TMC1: variants seen among roughly 807,000 people sequenced by gnomAD.
TMC1 encodes the protein transmembrane channel like 1.
TMC1 carries 84 observed loss-of-function variants against 105.8 expected under a neutral mutation model. The observed-to-expected ratio is 0.79, with a 90% CI of 0.67 to 0.95. TMC1 has a LOEUF of 0.95. Ranked by LOEUF, TMC1 falls within the 40% of genes least tolerant of loss-of-function variation. TMC1 has a pLI of 0.00. For synonymous variants in TMC1, 315 were observed against 311.5 expected (o/e 1.01, Z -0.12); for missense variants, 817 against 914.1 (o/e 0.89, Z 1.37).
chr9:72,823,770 T>TA (rs1176740038), intron 20 of TMC1, among the ~76,000 whole-genome samples: 12 of 152,254 alleles, frequency 7.9e-5, no homozygotes, highest in African/African-American at 2.9e-4. Context: ...TCTAGGTTTT[T>TA]ATATACATCC....
chr9:72,528,755 A>AG (rs761910702), intron 1 of TMC1, among the ~76,000 whole-genome samples: 1 of 152,106 alleles, frequency 6.6e-6, no homozygotes, highest in Non-Finnish European at 1.5e-5. Flanking sequence ...CACTATTTTC[A>AG]GGGGGCCCAA....
At chr9:72,827,556 G>C (rs1301988620) in intron 21 of TMC1, among the ~76,000 whole-genome samples, 1 of 152,232 alleles carries the variant, frequency 6.6e-6, no homozygotes, top group Non-Finnish European at 1.5e-5. Context: ...AGTTCCTGTA[G>C]TCTGTCCCTT....
intron 8 of TMC1, among the ~76,000 whole-genome samples, chr9:72,725,367 A>ATG (rs1387391356): frequency 1.3e-5 from 1 of 79,220 alleles, no homozygotes; most frequent in African/African-American, 5.6e-5. Flanking sequence ...ATATATATAT[A>ATG]TGTATATACA....
At chr9:72,680,967 ATTC>A (rs1262026393) in intron 5 of TMC1, among the ~76,000 whole-genome samples, 12 of 152,212 alleles carry the variant, frequency 7.9e-5, no homozygotes, top group East Asian at 7.7e-4. Flanking sequence ...CCTGAAAACC[ATTC>A]TTCTTCTTGA....
chr9:72,522,833 A>T (rs1200971531), intron 1 of TMC1, among the ~76,000 whole-genome samples: 1 of 152,226 alleles, frequency 6.6e-6, no homozygotes, highest in Admixed American at 6.5e-5. Context: ...AAAGGAACTC[A>T]GCCTAGTGCA....
chr9:72,626,776 G>A (rs1825354981), intron 3 of TMC1, among the ~76,000 whole-genome samples: 1 of 152,194 alleles, frequency 6.6e-6, no homozygotes, highest in African/African-American at 2.4e-5. Context: ...CCAGAATGCA[G>A]TGGGGTAAGG....
chr9:72,593,057 T>C (rs1243768989), intron 2 of TMC1, among the ~76,000 whole-genome samples: 2 of 152,198 alleles, frequency 1.3e-5, no homozygotes, highest in East Asian at 1.9e-4. Flanking sequence ...TAAAATTCTT[T>C]AGAGTGAAGA....
intron 2 of TMC1, among the ~76,000 whole-genome samples, chr9:72,599,759 G>A (rs1824776652): frequency 6.6e-6 from 1 of 150,496 alleles, no homozygotes; most frequent in East Asian, 2.0e-4. Flanking sequence ...GCAGTGAGCC[G>A]AGATCATGCC....
At chr9:72,585,213 C>T (rs562497795) in intron 2 of TMC1, among the ~76,000 whole-genome samples, 109 of 146,886 alleles carry the variant, frequency 7.4e-4, no homozygotes, top group Middle Eastern at 3.7e-3. Context: ...TGCAGTGGCG[C>T]GATCTTGGCT....
In TMC1 at chr9:72,574,992, C is replaced by A. The variant is rs532911265; in HGVS notation, c.-427-2910C>A. Among the ~76,000 whole-genome samples the A allele has an allele frequency of 7.9e-5, 12 of 152,220 alleles. No homozygotes were observed. In the East Asian group the frequency reaches 2.1e-3, roughly 27 times the overall value. ...AGTGCCTTGAGTTTGGTGTGGTGAC[C>A]AGAGCTGGTGGCCAACTGTCGTGAG... On this transcript the variant is annotated intron_variant, in intron 1 of 23. Transcript: ENST00000297784.
chr9:72,630,525 A>C, intron 4 of TMC1, among the ~76,000 whole-genome samples: 1 of 152,228 alleles, frequency 6.6e-6, no homozygotes, highest in East Asian at 1.9e-4. Flanking sequence ...ATGAGTTGTA[A>C]GAATCAGCCT....
At chr9:72,834,676 C>T (rs1311584182) in intron 23 of TMC1, among the ~76,000 whole-genome samples, 1 of 152,124 alleles carries the variant, frequency 6.6e-6, no homozygotes, top group East Asian at 1.9e-4. Flanking sequence ...TACTGCGGCA[C>T]TCCTTGTGGT....
intron 3 of TMC1, among the ~76,000 whole-genome samples, chr9:72,623,726 GCCCACAACGTTTTCTT>G (rs1825296543): frequency 6.6e-6 from 1 of 152,072 alleles, no homozygotes; most frequent in South Asian, 2.1e-4. Context: ...AATTTCCCAG[GCCCACAACGTTTTCTT>G]CCCAAGCTGG....
intron 1 of TMC1, among the ~76,000 whole-genome samples, chr9:72,571,254 C>T (rs1372439826): frequency 4.0e-5 from 6 of 150,616 alleles, no homozygotes; most frequent in East Asian, 4.1e-4. Flanking sequence ...ACCTGGGAGG[C>T]GGAGGTTGCA....
At chr9:72,651,452 T>C (rs536172950) in intron 5 of TMC1, 1 of 152,210 alleles carries the variant, frequency 6.6e-6, no homozygotes, top group Admixed American at 6.5e-5. Flanking sequence ...GCACAGGCCC[T>C]AAAATCTCAT....
At chr9:72,759,871 A>T (rs191310014) in intron 12 of TMC1, among the ~76,000 whole-genome samples, 2 of 152,160 alleles carry the variant, frequency 1.3e-5, no homozygotes. Flanking sequence ...TCCGCCCGTA[A>T]TTTTCCTGTT....
intron 8 of TMC1, among the ~76,000 whole-genome samples, chr9:72,723,273 A>G (rs1280663677): frequency 1.1e-5 from 1 of 91,210 alleles, no homozygotes; most frequent in Non-Finnish European, 2.1e-5. Context: ...GCATGCATAG[A>G]GTTTCAGTTT....
Position 72,830,626 on chromosome 9 carries a change from T to A in TMC1, c.2209-5T>A. The A allele has an allele frequency of 1.2e-6, 2 of 1,613,658 alleles. No individual in the cohort carries two copies. Among genetic ancestry groups the A allele is most frequent in the South Asian group, 1.1e-5 (1 of 90,992 alleles). The stretch of plus-strand genomic sequence containing the variant: ...ACTTTTTTCCCCTTATTTTTTATTG[T>A]GTAGCAAGCTTTGGAGAACAAAATG... On this transcript the variant is annotated splice_region_variant and splice_polypyrimidine_tract_variant and intron_variant, in intron 22 of 23. Transcript: ENST00000297784.
At chr9:72,812,434 T>C (rs1828721561) in intron 18 of TMC1, among the ~76,000 whole-genome samples, 2 of 152,216 alleles carry the variant, frequency 1.3e-5, no homozygotes, top group Admixed American at 1.3e-4. Flanking sequence ...TGTCTGCAGT[T>C]AACAGGATCC....
Sources: allele counts gnomAD v4.1 joint callset (sites outside exome capture counted in the v4.1 genomes callset), GRCh38; gene constraint gnomAD v4.1.1; transcripts MANE v1.5; gene names NCBI Gene and HGNC (gene_info 2026-07-23, HGNC 2026-07-21).